ADAM29: variants seen among roughly 807,000 people sequenced by gnomAD.
ADAM29 encodes the protein ADAM metallopeptidase domain 29.
For missense variants in ADAM29, 969 were observed against 1,001.8 expected (o/e 0.97, Z 0.44); for synonymous variants, 367 against 342.3 (o/e 1.07, Z -0.80).
At chr4:174,923,105 G>C (rs975892627) in intron 2 of ADAM29, among the ~76,000 whole-genome samples, 4 of 151,980 alleles carry the variant, frequency 2.6e-5, no homozygotes, top group Non-Finnish European at 5.9e-5. Flanking sequence ...GCCTAGGCTG[G>C]AGTGCAGTGG....
chr4:174,975,008 AGTTCAGCTTACCCTT>A (rs1746677459), intron 4 of ADAM29, among the ~76,000 whole-genome samples: 1 of 152,214 alleles, frequency 6.6e-6, no homozygotes, highest in African/African-American at 2.4e-5. Context: ...TGAAGATATA[AGTTCAGCTTACCCTT>A]AAAAAATTTT....
intron 2 of ADAM29, among the ~76,000 whole-genome samples, chr4:174,923,010 T>C (rs1280683139): frequency 6.6e-6 from 1 of 152,044 alleles, no homozygotes; most frequent in African/African-American, 2.4e-5. Context: ...GGAGTTAAAG[T>C]TACTCAAGCT....
rs757831187 is a variant in ADAM29, at chr4:174,977,798, A to G, written c.2273A>G (p.Gln758Arg). 1.9e-6 allele frequency: 3 copies of G among 1,594,938 alleles called. No homozygotes were observed. In the East Asian group the frequency reaches 6.8e-5, roughly 36 times the overall value. The change falls in exon 5 of 5, where the codon CAG becomes CGG. Residue 758 changes from glutamine to arginine, a missense_variant. Transcript: ENST00000359240. ...SQSHPQVMPS[Q>R]SQPPVTPSQS... ...AGTCATCCTCAGGTGATGCCTTCCC[A>G]GAGTCAACCTCCTGTGACACCCTCC...
intron 4 of ADAM29, among the ~76,000 whole-genome samples, chr4:174,939,694 A>G (rs1744418196): frequency 6.6e-6 from 1 of 152,188 alleles, no homozygotes; most frequent in Non-Finnish European, 1.5e-5. Flanking sequence ...CATGGAAAAA[A>G]TAAAATTTAC....
intron 4 of ADAM29, among the ~76,000 whole-genome samples, chr4:174,960,146 T>C (rs944939935): frequency 1.1e-4 from 16 of 152,206 alleles, no homozygotes; most frequent in African/African-American, 3.6e-4. Context: ...TGATTTATAG[T>C]GATAATCTTT....
At chr4:174,939,179 A>G (rs1744378817) in intron 4 of ADAM29, among the ~76,000 whole-genome samples, 1 of 152,166 alleles carries the variant, frequency 6.6e-6, no homozygotes, top group South Asian at 2.1e-4. Flanking sequence ...GACATGGGAC[A>G]TATCTTTTTG....
Position 174,977,213 on chromosome 4 carries a change from C to G in ADAM29, c.1688C>G (p.Pro563Arg), listed in dbSNP as rs1281032408. ...RIQCENVTEI[P>R]NMSDHTTVHW... is the part of the protein sequence containing the mutation. Reference sequence around the variant, plus strand: ...CAGTGTGAGAATGTGACAGAAATTCCCAATATGAGTGATCATACTACTGTG... The same window carrying G: ...CAGTGTGAGAATGTGACAGAAATTCGCAATATGAGTGATCATACTACTGTG... The change falls in exon 5 of 5, where the codon CCC becomes CGC. Residue 563 changes from proline (P) to arginine (R), a missense_variant. Pro to Arg is a moderately radical substitution (Grantham distance 103). Transcript: ENST00000359240. 1 of 1,613,982 alleles carries G rather than the reference C, an allele frequency of 6.2e-7. No homozygotes were observed. The highest frequency in any genetic ancestry group is 8.5e-7 in the Non-Finnish European group (1 of 1,180,026).
rs1746938994 is a variant in ADAM29 at position 174,977,680 on chromosome 4, GA to G, written c.2161del (p.Ile721PhefsTer16). On this transcript the variant is annotated frameshift_variant, in exon 5 of 5. Coordinates refer to ENST00000359240, the MANE Select transcript of ADAM29 (RefSeq NM_014269.4). LOFTEE classifies it low-confidence loss of function (END_TRUNC). ...TCAAACTCCATCTGCAAAAGAAGAGGAAAAAATTCAGCGTCGACCTCATGAG... is the reference window on the plus strand; with the variant it reads ...TCAAACTCCATCTGCAAAAGAAGAGGAAAAATTCAGCGTCGACCTCATGAG... ...DVQTPSAKEE[E>X]KIQRRPHELP... is the part of the protein sequence containing the mutation. 16 of 1,614,110 alleles carry G rather than the reference GA, an allele frequency of 9.9e-6. No homozygotes were observed. The highest frequency in any genetic ancestry group is 1.4e-5 in the Non-Finnish European group (16 of 1,180,050).
At chr4:174,919,083 C>T (rs921083240) in intron 1 of ADAM29, 16 of 152,174 alleles carry the variant, frequency 1.1e-4, no homozygotes, top group African/African-American at 3.6e-4. Context: ...CTATATTCTA[C>T]CATACTTTGT....
intron 4 of ADAM29, among the ~76,000 whole-genome samples, chr4:174,937,441 G>C (rs1331853791): frequency 1.3e-5 from 2 of 151,808 alleles, no homozygotes; most frequent in African/African-American, 4.8e-5. Context: ...TTTTTCAGTT[G>C]TCAAAGTTCA....
chr4:174,950,724 C>T (rs1053453468), intron 4 of ADAM29, among the ~76,000 whole-genome samples: 2 of 152,134 alleles, frequency 1.3e-5, no homozygotes, highest in African/African-American at 4.8e-5. Flanking sequence ...ATCTCTGTTC[C>T]CACCCAAATC....
intron 4 of ADAM29, among the ~76,000 whole-genome samples, chr4:174,941,349 G>C (rs142812054): frequency 3.7e-4 from 56 of 152,222 alleles, no homozygotes; most frequent in Middle Eastern, 3.4e-3. Context: ...GTCTCCATGG[G>C]TTGGTTCCCT....
intron 4 of ADAM29, among the ~76,000 whole-genome samples, chr4:174,941,853 T>TAA (rs111490877): frequency 4.0e-5 from 6 of 151,758 alleles, no homozygotes; most frequent in African/African-American, 1.5e-4. Context: ...TCACCTGTGA[T>TAA]AAAAAAAAGT....
intron 4 of ADAM29, among the ~76,000 whole-genome samples, chr4:174,956,138 C>T (rs572998937): frequency 1.3e-5 from 2 of 152,136 alleles, no homozygotes; most frequent in Non-Finnish European, 2.9e-5. Flanking sequence ...GAAGTCATAT[C>T]TCTTACTGAG....
At position 174,950,203 on chromosome 4, in the gene ADAM29, T is replaced by C. The variant is rs191437898; in HGVS notation, c.-181+13190T>C. Among the ~76,000 whole-genome samples, 33 of 152,348 alleles carry C rather than the reference T, an allele frequency of 2.2e-4. 1 individual carries two copies. Among genetic ancestry groups the C allele is most frequent in the African/African-American group, 7.9e-4 (33 of 41,584 alleles). On this transcript the variant is annotated intron_variant, in intron 4 of 4. Coordinates refer to ENST00000359240, the MANE Select transcript of ADAM29 (RefSeq NM_014269.4). Reference sequence around the variant, plus strand: ...TGATTTCCCCACTCCATGCCCATGATTTAAATATCATTTATATGTTCATGT... The same window carrying C: ...TGATTTCCCCACTCCATGCCCATGACTTAAATATCATTTATATGTTCATGT...
intron 2 of ADAM29, among the ~76,000 whole-genome samples, chr4:174,927,373 C>A (rs1743580925): frequency 6.6e-6 from 1 of 152,102 alleles, no homozygotes; most frequent in Non-Finnish European, 1.5e-5. Flanking sequence ...ACTGCAATTA[C>A]TTTTGCACCA....
At chr4:174,946,172 A>G (rs945710772) in intron 4 of ADAM29, among the ~76,000 whole-genome samples, 2 of 152,112 alleles carry the variant, frequency 1.3e-5, no homozygotes, top group African/African-American at 4.8e-5. Context: ...TTCTTTCAGC[A>G]GTGTTATGTA....
chr4:174,955,735 T>C (rs754415443), intron 4 of ADAM29, among the ~76,000 whole-genome samples: 4 of 152,046 alleles, frequency 2.6e-5, no homozygotes, highest in Non-Finnish European at 5.9e-5. Context: ...AAGTACAAAG[T>C]TGCAAAAGCT....
At chr4:174,926,646 A>G (rs538345623) in intron 2 of ADAM29, among the ~76,000 whole-genome samples, 1 of 150,402 alleles carries the variant, frequency 6.6e-6, no homozygotes, top group Non-Finnish European at 1.5e-5. Context: ...CAAGCCTATA[A>G]TCCCTGCTAC....
Sources: allele counts gnomAD v4.1 joint callset (sites outside exome capture counted in the v4.1 genomes callset), GRCh38; gene constraint gnomAD v4.1.1; transcripts MANE v1.5; gene names NCBI Gene and HGNC (gene_info 2026-07-23, HGNC 2026-07-21).